Variants in PTPN1 observed in about 807,000 individuals in gnomAD.
PTPN1 encodes tyrosine-protein phosphatase non-receptor type 1.
A neutral mutation model predicts 59.9 loss-of-function variants in PTPN1; 12 were observed. The ratio of observed to expected loss-of-function variants is 0.20; its 90% CI spans 0.13 to 0.32. PTPN1 has a LOEUF of 0.32. PTPN1 is among the 10% of genes least tolerant of loss of function. PTPN1 has a pLI of 1.00. For synonymous variants in PTPN1, 178 were observed against 203.6 expected, an observed-to-expected ratio of 0.87 and a Z score of 1.07; for missense variants, 356 against 549.2, an observed-to-expected ratio of 0.65 and a Z score of 3.52.
At chr20:50,570,366 AGT>A (rs2082802156) in intron 4 of PTPN1, among the ~76,000 whole-genome samples, 1 of 152,174 alleles carries the variant, frequency 6.6e-6, no homozygotes. Context: ...AAAAAATGAA[AGT>A]GTTTATTTGC....
intron 1 of PTPN1, among the ~76,000 whole-genome samples, chr20:50,511,915 G>A (rs958282642): frequency 4.6e-5 from 7 of 152,116 alleles, no homozygotes; most frequent in African/African-American, 1.7e-4. Flanking sequence ...TTTGAGCTCC[G>A]CTTAGAAAGG....
intron 2 of PTPN1, among the ~76,000 whole-genome samples, chr20:50,564,587 C>T (rs57982868): frequency 0.024 from 3,706 of 151,968 alleles, 84 homozygotes; most frequent in African/African-American, 0.058. Context: ...GAGTGAGACT[C>T]TTGACTCAAA....
intron 3 of PTPN1, among the ~76,000 whole-genome samples, chr20:50,566,111 G>A (rs574829913): frequency 1.3e-5 from 2 of 152,282 alleles, no homozygotes; most frequent in African/African-American, 4.8e-5. Context: ...TGGATACAGG[G>A]CAGGCCTTTA....
At chr20:50,549,597 C>T (rs776519446) in intron 1 of PTPN1, among the ~76,000 whole-genome samples, 3 of 152,190 alleles carry the variant, frequency 2.0e-5, no homozygotes, top group Non-Finnish European at 4.4e-5. Flanking sequence ...CCTTCCTCCC[C>T]TCAACCCCTG....
At position 50,536,128 on chromosome 20, in the gene PTPN1, A is replaced by T. The variant is rs1045809819; in HGVS notation, c.64-25235A>T. Among the ~76,000 whole-genome samples the T allele has an allele frequency of 6.6e-5, 10 of 152,238 alleles. 1 individual carries two copies. The highest frequency in any genetic ancestry group is 2.4e-4 in the African/African-American group (10 of 41,462). ...TCACCACATAAGATGGGATACCTCC[A>T]TAAATCCTTCAGAAATGTTTGTGAA... is the stretch of plus-strand genomic sequence containing the variant. On this transcript the variant is annotated intron_variant, in intron 1 of 9. Coordinates refer to ENST00000371621, the MANE Select transcript of PTPN1 (RefSeq NM_002827.4).
intron 1 of PTPN1, among the ~76,000 whole-genome samples, chr20:50,528,444 T>A (rs182202604): frequency 1.2e-3 from 178 of 152,272 alleles, no homozygotes; most frequent in African/African-American, 4.2e-3. Flanking sequence ...CCAGTCGCAG[T>A]GGCTCATACC....
At chr20:50,548,592 T>C (rs2082686833) in intron 1 of PTPN1, among the ~76,000 whole-genome samples, 6 of 152,036 alleles carry the variant, frequency 3.9e-5, no homozygotes, top group Admixed American at 2.6e-4. Flanking sequence ...CACACCCAGC[T>C]GATTTGTCTT....
intron 1 of PTPN1, among the ~76,000 whole-genome samples, chr20:50,540,083 T>G (rs530753601): frequency 1.3e-5 from 2 of 152,252 alleles, no homozygotes; most frequent in South Asian, 4.2e-4. Context: ...GAGACAGAGT[T>G]TCGCTCTTGT....
intron 1 of PTPN1, among the ~76,000 whole-genome samples, chr20:50,514,701 G>C (rs2122716410): frequency 6.6e-6 from 1 of 152,248 alleles, no homozygotes; most frequent in East Asian, 1.9e-4. Context: ...GCACAATTTG[G>C]CATTCCTCCC....
intron 7 of PTPN1, 131 bp from the exon 8 acceptor site, chr20:50,579,572 A>G: frequency 1.1e-6 from 1 of 926,100 alleles, no homozygotes. Flanking sequence ...TTCATCTTCC[A>G]AGTACATGGC....
chr20:50,575,478 C>T (rs1301685411), intron 5 of PTPN1, among the ~76,000 whole-genome samples: 1 of 152,184 alleles, frequency 6.6e-6, no homozygotes, highest in Admixed American at 6.5e-5. Flanking sequence ...GTAGCACGGG[C>T]TTTATCTGAA....
Position 50,547,995 on chromosome 20 carries a change from A to AAAT in PTPN1, c.64-13367_64-13366insATA, listed in dbSNP as rs1337108283. ...TAAATGACCATGTTAATGCTCTATT[A>AAAT]AGCTTCCAAACAATATTGTAATTTA... On this transcript the variant is annotated intron_variant, in intron 1 of 9. Coordinates refer to ENST00000371621, the MANE Select transcript of PTPN1 (RefSeq NM_002827.4). 2.0e-5 allele frequency among the ~76,000 whole-genome samples: 3 copies of AAAT among 152,194 alleles called. No homozygotes were observed. In the East Asian group the frequency reaches 5.8e-4, roughly 29 times the overall value.
intron 2 of PTPN1, chr20:50,562,904 G>A (rs2082759820): frequency 6.6e-6 from 1 of 151,992 alleles, no homozygotes; most frequent in African/African-American, 2.4e-5. Context: ...GAATAATCTT[G>A]TCTTTAATAT....
intron 1 of PTPN1, among the ~76,000 whole-genome samples, chr20:50,535,772 C>T (rs1377905844): frequency 2.6e-5 from 4 of 152,262 alleles, no homozygotes; most frequent in Non-Finnish European, 4.4e-5. Flanking sequence ...TTGCCTTTCA[C>T]ATCTTTGTAT....
At chr20:50,567,752 A>T (rs1421174702) in intron 3 of PTPN1, among the ~76,000 whole-genome samples, 2 of 152,186 alleles carry the variant, frequency 1.3e-5, no homozygotes, top group Non-Finnish European at 2.9e-5. Flanking sequence ...TGGGCCAAGG[A>T]TGGAGGCTGT....
At chr20:50,527,100 A>G (rs1439874477) in intron 1 of PTPN1, among the ~76,000 whole-genome samples, 1 of 152,172 alleles carries the variant, frequency 6.6e-6, no homozygotes, top group Non-Finnish European at 1.5e-5. Context: ...GGCATCTTGC[A>G]ATAAGGGGTT....
chr20:50,564,258 C>T (rs2082768411), intron 2 of PTPN1, among the ~76,000 whole-genome samples: 1 of 152,034 alleles, frequency 6.6e-6, no homozygotes, highest in African/African-American at 2.4e-5. Context: ...GGGTTTTGTT[C>T]CCTTTTAAAG....
chr20:50,582,335 C>T lies in PTPN1; in HGVS notation c.1285-357C>T, dbSNP rs1372791052. On this transcript the variant is annotated intron_variant, in intron 9 of 9. Coordinates refer to ENST00000371621, the MANE Select transcript of PTPN1 (RefSeq NM_002827.4). The surrounding 1 kb of genome is among the most constrained non-coding windows in gnomAD (Gnocchi z 4.2). ...GGCTCCACCTCATTGGGAGAAGTGC[C>T]ATTTCAGCAGAAATTCACACGTTAG... Among the ~76,000 whole-genome samples the T allele has an allele frequency of 6.6e-6, 1 of 152,234 alleles. No homozygotes were observed. The highest frequency in any genetic ancestry group is 6.5e-5 in the Admixed American group (1 of 15,280).
intron 1 of PTPN1, among the ~76,000 whole-genome samples, chr20:50,560,438 G>A (rs1218212599): frequency 2.0e-5 from 3 of 152,084 alleles, no homozygotes; most frequent in African/African-American, 4.8e-5. Flanking sequence ...TGGGAGCACA[G>A]CCAGAGCCTT....
Sources: allele counts gnomAD v4.1 joint callset (sites outside exome capture counted in the v4.1 genomes callset), GRCh38; gene constraint gnomAD v4.1.1; non-coding constraint Gnocchi (gnomAD v3.1); transcripts MANE v1.5; gene names NCBI Gene and HGNC (gene_info 2026-07-23, HGNC 2026-07-21).